Variants in YY1 observed in about 807,000 individuals in gnomAD.
YY1 encodes YY1 transcription factor, also known as transcriptional repressor protein YY1.
A neutral mutation model predicts 35.6 loss-of-function variants in YY1; 2 were observed. The ratio of observed to expected loss-of-function variants is 0.06; its 90% CI spans 0.02 to 0.18. The LOEUF (loss-of-function observed/expected upper bound fraction) is 0.18, where lower values mean the gene tolerates loss of function less well. Among genes scored for constraint, YY1 ranks in the 10% least tolerant of loss-of-function variants. The probability of loss-of-function intolerance (pLI) is 1.00; values close to 1 mark genes in which losing one functional copy is unlikely to be tolerated. For missense variants in YY1, 322 were observed against 573.4 expected (o/e 0.56, Z 4.48); for synonymous variants, 268 against 238.9 (o/e 1.12, Z -1.12).
chr14:100,270,999 A>G (rs942877292), intron 2 of YY1, among the ~76,000 whole-genome samples: 1 of 152,050 alleles, frequency 6.6e-6, no homozygotes, highest in Non-Finnish European at 1.5e-5. Flanking sequence ...TAATCCCCGC[A>G]CTTTGGGAGG....
intron 1 of YY1, among the ~76,000 whole-genome samples, chr14:100,251,021 T>C (rs760716083): frequency 9.2e-5 from 14 of 152,104 alleles, no homozygotes; most frequent in Non-Finnish European, 1.8e-4. Context: ...AGAAATAATA[T>C]ATAAGGCCTT....
At position 100,280,075 on chromosome 14, in the gene YY1, C is replaced by G. The variant is rs772985729; in HGVS notation, c.*2475C>G. The G allele has an allele frequency of 3.3e-5, 5 of 152,214 alleles. No homozygotes were observed. Among genetic ancestry groups the G allele is most frequent in the Non-Finnish European group, 7.3e-5 (5 of 68,044 alleles). 9.4% of individuals were successfully genotyped at this position (152,214 alleles called of 1,614,324 possible). On this transcript the variant is annotated 3_prime_UTR_variant, in exon 5 of 5. Transcript: ENST00000262238. ...CTGTAAGGAGTTTAATCTGGGGTTC[C>G]AAGAAAACAAGTTCCTTGTTAACAT... is the stretch of plus-strand genomic sequence containing the variant.
chr14:100,246,685 A>G (rs956762843), intron 1 of YY1, among the ~76,000 whole-genome samples: 1 of 152,248 alleles, frequency 6.6e-6, no homozygotes, highest in Admixed American at 6.5e-5. Context: ...TCCCAATTTT[A>G]TAAGTTCAGA....
intron 1 of YY1, among the ~76,000 whole-genome samples, chr14:100,241,615 T>G (rs1330104420): frequency 6.6e-6 from 1 of 152,222 alleles, no homozygotes; most frequent in Non-Finnish European, 1.5e-5. Context: ...TTAATGGTTA[T>G]CAAAAGATAA....
At chr14:100,245,788 A>G (rs1566769269) in intron 1 of YY1, among the ~76,000 whole-genome samples, 2 of 151,538 alleles carry the variant, frequency 1.3e-5, no homozygotes, top group South Asian at 4.2e-4. Flanking sequence ...TGTATTTTTA[A>G]TAGAGTCTGG....
At chr14:100,252,690 C>T (rs888923532) in intron 1 of YY1, among the ~76,000 whole-genome samples, 5 of 152,190 alleles carry the variant, frequency 3.3e-5, no homozygotes, top group Non-Finnish European at 7.3e-5. Flanking sequence ...ATTGGCCTTG[C>T]CCACTTGTGT....
At chr14:100,244,853 C>T (rs997330516) in intron 1 of YY1, among the ~76,000 whole-genome samples, 2 of 152,042 alleles carry the variant, frequency 1.3e-5, no homozygotes, top group Non-Finnish European at 2.9e-5. Flanking sequence ...GCCACTGTGC[C>T]TGACCTCTTT....
In YY1 at chr14:100,276,412, C is replaced by G; in HGVS notation, c.904-78C>G. The G allele has an allele frequency of 6.2e-7, 1 of 1,603,830 alleles. No homozygotes were observed. The highest frequency in any genetic ancestry group is 8.5e-7 in the Non-Finnish European group (1 of 1,171,704). On this transcript the variant is annotated intron_variant, in intron 3 of 4. Transcript: ENST00000262238. The surrounding 1 kb of genome is among the most constrained non-coding windows in gnomAD (Gnocchi z 4.1). ...GGGAGGTGGTTTTGTTTTAATATGT[C>G]AGTAAAGGCTGTTAAATGGTTGAAT...
At chr14:100,266,403 G>C (rs1891155651) in intron 2 of YY1, among the ~76,000 whole-genome samples, 1 of 152,174 alleles carries the variant, frequency 6.6e-6, no homozygotes. Flanking sequence ...CTGAAGGAAA[G>C]GTTTTGAAGA....
chr14:100,277,233 T>G lies in YY1; in HGVS notation c.1063-185T>G, dbSNP rs919921639. On this transcript the variant is annotated intron_variant, in intron 4 of 4. Coordinates refer to ENST00000262238, the MANE Select transcript of YY1 (RefSeq NM_003403.5). The surrounding 1 kb of genome is among the most constrained non-coding windows in gnomAD (Gnocchi z 5.6). ...TTAAACAGTTCGTGAGGGCTCTCCT[T>G]GGGTTTTCGGGGTTGTCCAACCTGC... 1.7e-5 allele frequency: 12 copies of G among 724,520 alleles called. No homozygotes were observed. The highest frequency in any genetic ancestry group is 2.7e-5 in the East Asian group (1 of 37,090). 44.9% of individuals were successfully genotyped at this position (724,520 alleles called of 1,614,324 possible). A position where few individuals can be genotyped will look rare whatever the true frequency, so the allele number is the denominator to read the frequency against.
At chr14:100,262,196 A>G (rs1262705132) in intron 1 of YY1, 108 bp from the exon 2 acceptor site, 5 of 1,188,280 alleles carry the variant, frequency 4.2e-6, no homozygotes, top group Non-Finnish European at 6.0e-6. Flanking sequence ...GAACAAATTG[A>G]GCTGGTGGCT....
intron 1 of YY1, among the ~76,000 whole-genome samples, chr14:100,259,766 A>G (rs1254874204): frequency 2.0e-5 from 3 of 152,348 alleles, no homozygotes; most frequent in Middle Eastern, 3.4e-3. Flanking sequence ...AATTTAACCC[A>G]TGAGAAAAGC....
At position 100,277,389 on chromosome 14, in the gene YY1, T is replaced by C; in HGVS notation, c.1063-29T>C. Reference sequence around the variant, plus strand: ...CCAGGGTCTGGTCAGAGTTGCTGAGTGGGTTGATCTCTGGTCTTTCCTTGA... The same window carrying C: ...CCAGGGTCTGGTCAGAGTTGCTGAGCGGGTTGATCTCTGGTCTTTCCTTGA... On this transcript the variant is annotated intron_variant, in intron 4 of 4. Transcript: ENST00000262238. This position sits in a 1 kb window ranked among gnomAD's most constrained non-coding sequence, Gnocchi z 5.6. 1 of 1,614,080 alleles carries C rather than the reference T, an allele frequency of 6.2e-7. No individual in the cohort carries two copies. The highest frequency in any genetic ancestry group is 1.7e-5 in the Admixed American group (1 of 60,028).
intron 1 of YY1, among the ~76,000 whole-genome samples, chr14:100,255,501 C>T (rs1225941516): frequency 6.6e-6 from 1 of 152,164 alleles, no homozygotes; most frequent in South Asian, 2.1e-4. Flanking sequence ...CCCCTGTGAT[C>T]CCAGCTACTT....
intron 1 of YY1, among the ~76,000 whole-genome samples, chr14:100,252,843 G>A (rs1003680923): frequency 6.6e-6 from 1 of 152,084 alleles, no homozygotes; most frequent in African/African-American, 2.4e-5. Context: ...TTCAAGACTA[G>A]CCTGGGCAAC....
intron 1 of YY1, among the ~76,000 whole-genome samples, chr14:100,245,638 G>T (rs1441174998): frequency 6.6e-6 from 1 of 151,710 alleles, no homozygotes; most frequent in Non-Finnish European, 1.5e-5. Flanking sequence ...ACGGAGTCTC[G>T]CTTTGTTGCC....
Position 100,281,230 on chromosome 14 carries a change from T to C in YY1, c.*3630T>C, listed in dbSNP as rs1309883845. On this transcript the variant is annotated 3_prime_UTR_variant, in exon 5 of 5. Coordinates refer to ENST00000262238, the MANE Select transcript of YY1 (RefSeq NM_003403.5). ...TGTTGTTGATCTTTAATTATTTAAT[T>C]ATTCTTTAATAATCCTTCTATTTTC... 5 of 152,038 alleles carry C rather than the reference T, an allele frequency of 3.3e-5. No individual in the cohort carries two copies. The East Asian group carries it at 9.7e-4, about 29-fold the overall frequency. The allele number at this position is 152,038 out of a possible 1,614,324, so 9.4% of individuals were successfully genotyped here. A position where few individuals can be genotyped will look rare whatever the true frequency, so the allele number is the denominator to read the frequency against.
chr14:100,247,893 A>G (rs1890856930), intron 1 of YY1, among the ~76,000 whole-genome samples: 1 of 152,174 alleles, frequency 6.6e-6, no homozygotes, highest in Admixed American at 6.5e-5. Flanking sequence ...AGTCACTTTG[A>G]ATCTTTATAG....
chr14:100,242,388 T>G (rs1352537518), intron 1 of YY1, among the ~76,000 whole-genome samples: 2,226 of 141,130 alleles, frequency 0.016, 146 homozygotes, highest in African/African-American at 0.048. Flanking sequence ...GTTTTTTTTT[T>G]TTTTTTTTTT....
Sources: allele counts gnomAD v4.1 joint callset (sites outside exome capture counted in the v4.1 genomes callset), GRCh38; gene constraint gnomAD v4.1.1; non-coding constraint Gnocchi (gnomAD v3.1); transcripts MANE v1.5; gene names NCBI Gene and HGNC (gene_info 2026-07-23, HGNC 2026-07-21).